Variants in THSD7A observed in about 807,000 individuals in gnomAD.
The protein encoded by THSD7A is thrombospondin type-1 domain-containing protein 7A.
A neutral mutation model predicts 231.3 loss-of-function variants in THSD7A; 96 were observed. The observed-to-expected ratio is 0.41, with a 90% CI of 0.35 to 0.49. The LOEUF (loss-of-function observed/expected upper bound fraction) is 0.49. Ranked by LOEUF, THSD7A falls within the 20% of genes least tolerant of loss-of-function variation. The pLI, the probability that THSD7A is intolerant of heterozygous loss-of-function variation, is 0.05. For synonymous variants in THSD7A, 940 were observed against 743.3 expected, an observed-to-expected ratio of 1.26 and a Z score of -4.30; for missense variants, 2,290 against 2,070.2, an observed-to-expected ratio of 1.11 and a Z score of -2.06.
intron 4 of THSD7A, among the ~76,000 whole-genome samples, chr7:11,563,518 T>G (rs547902382): frequency 3.9e-5 from 6 of 152,036 alleles, no homozygotes; most frequent in Non-Finnish European, 8.8e-5. Flanking sequence ...CACCACCATG[T>G]CTGGCTGATT....
At chr7:11,597,516 A>AGAT (rs1386533230) in intron 2 of THSD7A, among the ~76,000 whole-genome samples, 2 of 152,192 alleles carry the variant, frequency 1.3e-5, no homozygotes, top group East Asian at 1.9e-4. Context: ...TGTCAGTGGC[A>AGAT]GATAGGCATG....
chr7:11,636,061 C>T lies in THSD7A; in HGVS notation c.1022+69G>A, dbSNP rs1187404434. On this transcript the variant is annotated intron_variant, in intron 2 of 27. Coordinates refer to ENST00000423059, the MANE Select transcript of THSD7A (RefSeq NM_015204.3). This position sits in a 1 kb window ranked among gnomAD's most constrained non-coding sequence, Gnocchi z 10.0. Reference sequence around the variant, plus strand: ...GTAATCCAGAAGTTATTAGATAGTACCGGATATCTTAGGTACTCATGATTC... The same window carrying T: ...GTAATCCAGAAGTTATTAGATAGTATCGGATATCTTAGGTACTCATGATTC... The T allele has an allele frequency of 7.1e-7, 1 of 1,404,266 alleles. No homozygotes were observed. The highest frequency in any genetic ancestry group is 9.8e-7 in the Non-Finnish European group (1 of 1,023,914). The allele number at this position is 1,404,266 out of a possible 1,614,324, so 87.0% of individuals were successfully genotyped here.
At chr7:11,572,415 A>G (rs1790678319) in intron 4 of THSD7A, among the ~76,000 whole-genome samples, 1 of 152,142 alleles carries the variant, frequency 6.6e-6, no homozygotes, top group African/African-American at 2.4e-5. Flanking sequence ...ACATTCTTGA[A>G]TTTCCACATC....
chr7:11,588,951 T>C (rs1471695974), intron 4 of THSD7A, among the ~76,000 whole-genome samples: 2 of 152,240 alleles, frequency 1.3e-5, no homozygotes, highest in African/African-American at 2.4e-5. Context: ...GTAAAGTTAG[T>C]GGATACAGAA....
intron 2 of THSD7A, among the ~76,000 whole-genome samples, chr7:11,599,824 A>G (rs1376326815): frequency 6.6e-6 from 1 of 150,922 alleles, no homozygotes; most frequent in Non-Finnish European, 1.5e-5. Context: ...GCCAAAGGAG[A>G]TTAACATTTG....
intron 5 of THSD7A, 139 bp from the exon 6 acceptor site, chr7:11,541,770 CA>C: frequency 2.7e-6 from 2 of 728,702 alleles, no homozygotes; most frequent in Non-Finnish European, 4.6e-6. Flanking sequence ...GGTGTATCCC[CA>C]AACTGTAGCT....
intron 15 of THSD7A, among the ~76,000 whole-genome samples, chr7:11,425,731 T>C (rs1219556742): frequency 6.9e-6 from 1 of 145,708 alleles, no homozygotes; most frequent in East Asian, 2.0e-4. Flanking sequence ...TCCCTTATTT[T>C]ACACACACAC....
At chr7:11,418,991 G>A (rs1189418776) in intron 16 of THSD7A, among the ~76,000 whole-genome samples, 1 of 152,118 alleles carries the variant, frequency 6.6e-6, no homozygotes, top group Non-Finnish European at 1.5e-5. Context: ...TTAAAAAAAT[G>A]TTATGGTGAC....
chr7:11,505,247 T>C (rs1256068541), intron 6 of THSD7A, among the ~76,000 whole-genome samples: 3 of 152,212 alleles, frequency 2.0e-5, no homozygotes, highest in African/African-American at 7.2e-5. Context: ...TTAAGTTTTG[T>C]AGCTAATTTC....
chr7:11,645,938 C>T (rs1584139666), intron 1 of THSD7A, among the ~76,000 whole-genome samples: 1 of 151,874 alleles, frequency 6.6e-6, no homozygotes, highest in African/African-American at 2.4e-5. Context: ...GTTATATAAA[C>T]TGTATTTGAG....
chr7:11,822,174 A>G (rs1435921636), intron 1 of THSD7A, among the ~76,000 whole-genome samples: 1 of 152,132 alleles, frequency 6.6e-6, no homozygotes, highest in African/African-American at 2.4e-5. Context: ...CCCATTAGGT[A>G]ATTTCTCATC....
chr7:11,769,154 T>TATATATATATATA (rs1554275711), intron 1 of THSD7A, among the ~76,000 whole-genome samples: 20 of 29,376 alleles, frequency 6.8e-4, no homozygotes, highest in Admixed American at 8.7e-4. Flanking sequence ...TATATATATA[T>TATATATATATATA]TTTTTTTTTT....
chr7:11,468,823 G>C (rs1459828996), intron 9 of THSD7A, among the ~76,000 whole-genome samples: 3 of 152,096 alleles, frequency 2.0e-5, no homozygotes, highest in African/African-American at 7.2e-5. Context: ...GACAGAGTGA[G>C]AGACTCTATC....
Position 11,371,540 on chromosome 7 carries a change from A to T in THSD7A, c.*4254T>A, listed in dbSNP as rs1333528631. 6.6e-6 allele frequency: 1 copy of T among 152,144 alleles called. No homozygotes were observed. The highest frequency in any genetic ancestry group is 2.4e-5 in the African/African-American group (1 of 41,444). The allele number at this position is 152,144 out of a possible 1,614,324, so 9.4% of individuals were successfully genotyped here. On this transcript the variant is annotated 3_prime_UTR_variant, in exon 28 of 28. Coordinates refer to ENST00000423059, the MANE Select transcript of THSD7A (RefSeq NM_015204.3). ...TATATTTATAAACAGGAGATCCCAG[A>T]TCATTTGGGAATTGTGCTTCTCATG... is the stretch of plus-strand genomic sequence containing the variant.
intron 1 of THSD7A, among the ~76,000 whole-genome samples, chr7:11,778,930 C>A (rs1783534903): frequency 6.6e-6 from 1 of 152,052 alleles, no homozygotes; most frequent in South Asian, 2.1e-4. Flanking sequence ...CATACTTTAT[C>A]TTATTTTATT....
At position 11,636,171 on chromosome 7, in the gene THSD7A, C is replaced by G. The variant is rs376353523; in HGVS notation, c.981G>C (p.Glu327Asp). 103 of 1,613,684 alleles carry G rather than the reference C, an allele frequency of 6.4e-5. No homozygotes were observed. Among genetic ancestry groups the G allele is most frequent in the Non-Finnish European group, 8.5e-5 (100 of 1,179,854 alleles). The change falls in exon 2 of 28, where the codon GAG becomes GAC. Residue 327 changes from glutamate (E) to aspartate (D), a missense_variant. By Grantham distance (45) the Glu-to-Asp change is conservative. Transcript: ENST00000423059. The surrounding 1 kb of genome is among the most constrained non-coding windows in gnomAD (Gnocchi z 10.0). ...TCCCCGTCTTGTTAATGCACATAAC[C>G]TCTCTGGTCTGATATCCAATCTGGA... ...WDIQIGYQTR[E>D]VMCINKTGKA...
chr7:11,524,142 T>C (rs1027189010), intron 6 of THSD7A, among the ~76,000 whole-genome samples: 4 of 152,162 alleles, frequency 2.6e-5, no homozygotes, highest in African/African-American at 9.7e-5. Flanking sequence ...ATATGTTTAG[T>C]AACCACCTGT....
intron 6 of THSD7A, among the ~76,000 whole-genome samples, chr7:11,533,472 G>T (rs1179280230): frequency 5.3e-5 from 8 of 152,130 alleles, no homozygotes; most frequent in African/African-American, 1.9e-4. Context: ...ATTTACAATA[G>T]CAAAGACATG....
intron 2 of THSD7A, among the ~76,000 whole-genome samples, chr7:11,627,353 AT>A (rs1475313844): frequency 6.6e-6 from 1 of 152,084 alleles, no homozygotes; most frequent in Non-Finnish European, 1.5e-5. Flanking sequence ...ATAAATATAT[AT>A]GTGTTGGTAT....
Sources: gnomAD v4.1 joint callset for allele counts (sites outside exome capture counted in the v4.1 genomes callset) on GRCh38, gnomAD v4.1.1 for gene constraint, Gnocchi (gnomAD v3.1) non-coding constraint, MANE v1.5 for transcripts, NCBI Gene and HGNC (gene_info 2026-07-23, HGNC 2026-07-21) for gene names.